The following PDZD2 variants were observed in gnomAD, a reference collection of about 807,000 sequenced individuals.
PDZD2 encodes the protein PDZ domain containing 2.
A neutral mutation model predicts 220.7 loss-of-function variants in PDZD2; 90 were observed. The ratio of observed to expected loss-of-function variants is 0.41; its 90% confidence interval spans 0.34 to 0.49. PDZD2 has a LOEUF of 0.49. Ranked by LOEUF, PDZD2 falls within the 20% of genes least tolerant of loss-of-function variation. PDZD2 has a pLI of 0.28. For missense variants in PDZD2, 3,174 were observed against 3,608.5 expected (o/e 0.88, Z 3.08); for synonymous variants, 1,375 against 1,450.5 (o/e 0.95, Z 1.18).
At chr5:31,762,530 C>A (rs1441116588) in intron 1 of PDZD2, among the ~76,000 whole-genome samples, 1 of 152,202 alleles carries the variant, frequency 6.6e-6, no homozygotes, top group Admixed American at 6.5e-5. Context: ...TCAGGTGATC[C>A]GCCTGCCTCA....
intron 2 of PDZD2, among the ~76,000 whole-genome samples, chr5:31,814,802 C>T (rs1394735028): frequency 2.0e-5 from 3 of 148,380 alleles, no homozygotes; most frequent in Non-Finnish European, 3.0e-5. Context: ...TGGGTGACAG[C>T]GAGACTCCAT....
intron 2 of PDZD2, among the ~76,000 whole-genome samples, chr5:31,874,887 C>A (rs1739168573): frequency 6.6e-6 from 1 of 151,950 alleles, no homozygotes; most frequent in South Asian, 2.1e-4. Context: ...ACAACAACAA[C>A]AACAAAATTA....
intron 1 of PDZD2, chr5:31,712,062 G>A (rs1029516230): frequency 3.9e-5 from 6 of 152,656 alleles, no homozygotes; most frequent in Admixed American, 3.9e-4. Flanking sequence ...CTTGGTCCAG[G>A]ATGCAGGTCC....
chr5:31,818,676 A>G (rs1755623417), intron 2 of PDZD2, among the ~76,000 whole-genome samples: 1 of 152,124 alleles, frequency 6.6e-6, no homozygotes, highest in African/African-American at 2.4e-5. Context: ...AGAACAACAT[A>G]TTTATAATTC....
At chr5:31,999,416 G>A (rs1751922441) in intron 4 of PDZD2, among the ~76,000 whole-genome samples, 1 of 152,020 alleles carries the variant, frequency 6.6e-6, no homozygotes, top group South Asian at 2.1e-4. Flanking sequence ...AGGAGGCTGA[G>A]GCAGGAGGAT....
At chr5:31,983,742 C>A in intron 3 of PDZD2, 86 bp downstream of exon 3, 1 of 1,340,360 alleles carries the variant, frequency 7.5e-7, no homozygotes, top group Non-Finnish European at 1.0e-6. Context: ...GCGGGAAATA[C>A]AAGCTGGGCT....
At chr5:32,035,941 TTTTGTTTG>T (rs1171239625) in intron 6 of PDZD2, among the ~76,000 whole-genome samples, 1 of 152,044 alleles carries the variant, frequency 6.6e-6, no homozygotes, top group Non-Finnish European at 1.5e-5. Flanking sequence ...TTTTGTTTTG[TTTTGTTTG>T]TTTGTTTGTT....
chr5:31,977,990 T>C (rs569707642), intron 2 of PDZD2, among the ~76,000 whole-genome samples: 94 of 152,278 alleles, frequency 6.2e-4, no homozygotes, highest in African/African-American at 2.2e-3. Context: ...AGAACTACAA[T>C]AGATTTCAGA....
intron 2 of PDZD2, among the ~76,000 whole-genome samples, chr5:31,909,656 A>G (rs1045803822): frequency 1.1e-4 from 17 of 152,228 alleles, no homozygotes; most frequent in African/African-American, 4.1e-4. Flanking sequence ...CTAATAATAC[A>G]GTGATATACA....
At chr5:31,812,941 T>G (rs879642746) in intron 2 of PDZD2, among the ~76,000 whole-genome samples, 2 of 152,126 alleles carry the variant, frequency 1.3e-5, no homozygotes, top group Admixed American at 6.6e-5. Flanking sequence ...GGTTAACACT[T>G]TTCTTCCTGC....
intron 2 of PDZD2, chr5:31,855,052 G>GCC (rs1758317091): frequency 1.0e-6 from 1 of 985,296 alleles, no homozygotes; most frequent in South Asian, 4.7e-5. Flanking sequence ...CTAATGAGCT[G>GCC]CCCCGGGGGC....
At position 31,924,554 on chromosome 5, in the gene PDZD2, C is replaced by G. The variant is rs549427621; in HGVS notation, c.477-58601C>G. Reference sequence around the variant, plus strand: ...CTCACTGCCTTTATCCATCACTTCACGTTTGGCGTGTGTTGCCTCGTAGTG... The same window carrying G: ...CTCACTGCCTTTATCCATCACTTCAGGTTTGGCGTGTGTTGCCTCGTAGTG... On this transcript the variant is annotated intron_variant, in intron 2 of 24. Transcript: ENST00000438447. Among the ~76,000 whole-genome samples, 7 of 152,178 alleles carry G rather than the reference C, an allele frequency of 4.6e-5. 1 individual carries two copies. Among genetic ancestry groups the G allele is most frequent in the Admixed American group, 2.0e-4 (3 of 15,286 alleles).
chr5:31,799,777 G>C, intron 2 of PDZD2, 53 bp downstream of exon 2: 2 of 1,212,886 alleles, frequency 1.6e-6, no homozygotes, highest in Non-Finnish European at 1.2e-6. Context: ...GAACCTGGTG[G>C]TTCCCAGATC....
chr5:31,946,039 G>C lies in PDZD2; in HGVS notation c.477-37116G>C, dbSNP rs187560347. On this transcript the variant is annotated intron_variant, in intron 2 of 24. Coordinates refer to ENST00000438447, the MANE Select transcript of PDZD2 (RefSeq NM_178140.4). ...TCTTTTTGAGATGGAGTCTCCCTCT[G>C]TCACCCAGGCTGGAGTGCAGTGGCA... Among the ~76,000 whole-genome samples, 320 of 152,282 alleles carry C rather than the reference G, an allele frequency of 2.1e-3. 2 individuals are homozygous for C. Among genetic ancestry groups the C allele is most frequent in the African/African-American group, 7.5e-3 (312 of 41,554 alleles).
intron 2 of PDZD2, among the ~76,000 whole-genome samples, chr5:31,918,897 A>G (rs895886254): frequency 3.3e-5 from 5 of 152,124 alleles, no homozygotes; most frequent in African/African-American, 4.8e-5. Context: ...TGCTCTTGTC[A>G]AGTAACTAGT....
rs757519546 is a variant in PDZD2 at position 32,069,589 on chromosome 5, T to G, written c.2472T>G (p.Asp824Glu). The G allele has an allele frequency of 1.3e-6, 2 of 1,597,624 alleles. No individual in the cohort carries two copies. The highest frequency in any genetic ancestry group is 4.5e-5 in the East Asian group (2 of 44,818). The change falls in exon 15 of 25, where the codon GAT (aspartate) becomes GAG (glutamate). Residue 824 changes from aspartate (D) to glutamate (E), a missense_variant. By Grantham distance (45) the Asp-to-Glu change is conservative (BLOSUM62 2). Transcript: ENST00000438447. ...PNPKVSEQEMDEVIARSTYQE... is the reference protein window; with the variant it reads ...PNPKVSEQEMEEVIARSTYQE... ...ATCAGGTTTCCGAGCAGGAAATGGA[T>G]GAAGTCATAGCACGCAGCACTTATC... is the stretch of plus-strand genomic sequence containing the variant.
intron 2 of PDZD2, among the ~76,000 whole-genome samples, chr5:31,886,690 TTGTCTC>T (rs1229715912): frequency 4.3e-5 from 6 of 138,924 alleles, no homozygotes; most frequent in Admixed American, 1.4e-4. Flanking sequence ...GATTCTGCAC[TTGTCTC>T]TGTCTCTTTT....
intron 15 of PDZD2, among the ~76,000 whole-genome samples, chr5:32,071,083 T>C (rs1740697639): frequency 6.6e-6 from 1 of 152,144 alleles, no homozygotes; most frequent in African/African-American, 2.4e-5. Context: ...TACATGAAAG[T>C]TGATGTGTGG....
Position 32,090,369 on chromosome 5 carries a change from A to T in PDZD2, c.6921A>T (p.Leu2307=). 6.2e-7 allele frequency: 1 copy of T among 1,614,134 alleles called. No homozygotes were observed. The highest frequency in any genetic ancestry group is 8.5e-7 in the Non-Finnish European group (1 of 1,179,958). ...TTTCAGTCCAGGAGACGAGCTGCCT[A>T]GTCACAGACAAAATCAAAGTCACCA... ...DIISVQETSC[L]VTDKIKVTRR... is the part of the protein sequence containing the mutation. Residue 2307 remains leucine (L), a synonymous_variant, in exon 20 of 25, where the codon CTA becomes CTT. Coordinates refer to ENST00000438447, the MANE Select transcript of PDZD2 (RefSeq NM_178140.4). This position sits in a 1 kb window ranked among gnomAD's most constrained non-coding sequence, Gnocchi z 4.3.
Sources: allele counts gnomAD v4.1 joint callset (sites outside exome capture counted in the v4.1 genomes callset), GRCh38; gene constraint gnomAD v4.1.1; non-coding constraint Gnocchi (gnomAD v3.1); transcripts MANE v1.5; gene names NCBI Gene and HGNC (gene_info 2026-07-23, HGNC 2026-07-21).